Variants in COL28A1 observed in about 807,000 individuals in gnomAD.
COL28A1 encodes collagen alpha-1(XXVIII) chain.
A neutral mutation model predicts 150.2 loss-of-function variants in COL28A1; 161 were observed. The ratio of observed to expected loss-of-function variants is 1.07; its 90% CI spans 0.94 to 1.22. The LOEUF (loss-of-function observed/expected upper bound fraction) is 1.22, where lower values mean the gene tolerates loss of function less well. Ranked by LOEUF, COL28A1 falls within the 50% of genes most tolerant of loss-of-function variation. The pLI is 0.00. For synonymous variants in COL28A1, 552 were observed against 469.7 expected (o/e 1.18, Z -2.26); for missense variants, 1,617 against 1,388.3 (o/e 1.16, Z -2.62).
intron 1 of COL28A1, 134 bp from the exon 2 acceptor site, chr7:7,533,046 A>G: frequency 1.0e-6 from 1 of 1,002,800 alleles, no homozygotes; most frequent in Non-Finnish European, 1.3e-6. Context: ...CTAGAAAAAT[A>G]TTCACATTGA....
At chr7:7,411,546 C>T (rs994436367) in intron 27 of COL28A1, among the ~76,000 whole-genome samples, 1 of 152,074 alleles carries the variant, frequency 6.6e-6, no homozygotes, top group African/African-American at 2.4e-5. Flanking sequence ...AGCTTTGTCC[C>T]CCTCCCCTGA....
At chr7:7,486,083 G>A (rs572530769) in intron 13 of COL28A1, among the ~76,000 whole-genome samples, 1 of 152,190 alleles carries the variant, frequency 6.6e-6, no homozygotes, top group South Asian at 2.1e-4. Flanking sequence ...CTTCTAATCT[G>A]TAAACATGCC....
intron 13 of COL28A1, among the ~76,000 whole-genome samples, chr7:7,485,378 T>C (rs76168794): frequency 0.021 from 3,195 of 152,232 alleles, 81 homozygotes; most frequent in African/African-American, 0.065. Context: ...TTTGTAAATG[T>C]GTAGTTTGTG....
Position 7,513,812 on chromosome 7 carries a change from C to T in COL28A1, c.882+2002G>A, listed in dbSNP as rs1275978181. On this transcript the variant is annotated intron_variant, in intron 8 of 34. Coordinates refer to ENST00000399429, the MANE Select transcript of COL28A1 (RefSeq NM_001037763.3). ...TTGTTTTTTGGGGGGCACAGATTGC[C>T]ATCAATGAAAATATTGTATTCATGT... 2.0e-5 allele frequency among the ~76,000 whole-genome samples: 3 copies of T among 152,312 alleles called. No individual in the cohort carries two copies. In the East Asian group the frequency reaches 5.8e-4, roughly 29 times the overall value.
chr7:7,388,357 G>A (rs1237242211), intron 27 of COL28A1, among the ~76,000 whole-genome samples: 8 of 151,886 alleles, frequency 5.3e-5, no homozygotes. Flanking sequence ...CTTTTTTATG[G>A]CTGCATAGTA....
At chr7:7,526,109 T>C (rs1469774249) in intron 3 of COL28A1, among the ~76,000 whole-genome samples, 1 of 152,242 alleles carries the variant, frequency 6.6e-6, no homozygotes, top group African/African-American at 2.4e-5. Flanking sequence ...GTAGAACATT[T>C]GGTTATGCCT....
chr7:7,377,578 T>C (rs1702484063), intron 30 of COL28A1, among the ~76,000 whole-genome samples: 1 of 152,096 alleles, frequency 6.6e-6, no homozygotes, highest in African/African-American at 2.4e-5. Context: ...TGCATTACAG[T>C]ACTCGAGTAA....
intron 33 of COL28A1, among the ~76,000 whole-genome samples, chr7:7,367,471 G>A (rs1335874552): frequency 6.6e-6 from 1 of 152,120 alleles, no homozygotes; most frequent in African/African-American, 2.4e-5. Flanking sequence ...GAGACAAGAG[G>A]CACTATCCGA....
chr7:7,380,485 G>C, intron 30 of COL28A1, among the ~76,000 whole-genome samples, 175 bp downstream of exon 30: 1 of 152,090 alleles, frequency 6.6e-6, no homozygotes, highest in Non-Finnish European at 1.5e-5. Context: ...TCCCCTCATA[G>C]TCAGATTCAA....
intron 27 of COL28A1, among the ~76,000 whole-genome samples, chr7:7,395,191 G>A (rs1782767811): frequency 6.6e-6 from 1 of 152,132 alleles, no homozygotes; most frequent in East Asian, 1.9e-4. Context: ...TACTTGGGAG[G>A]CTGAGGCAGG....
At chr7:7,526,439 G>A (rs962515832) in intron 3 of COL28A1, among the ~76,000 whole-genome samples, 1 of 152,140 alleles carries the variant, frequency 6.6e-6, no homozygotes, top group Non-Finnish European at 1.5e-5. Context: ...ATTAAAATAC[G>A]TAAGATATTT....
Position 7,432,753 on chromosome 7 carries a change from G to A in COL28A1, c.1861-53C>T, listed in dbSNP as rs754792415. 352 of 1,422,162 alleles carry A rather than the reference G, an allele frequency of 2.5e-4. 1 individual carries two copies. The highest frequency in any genetic ancestry group is 4.7e-4 in the Middle Eastern group (2 of 4,258). 88.1% of individuals were successfully genotyped at this position (1,422,162 alleles called of 1,614,324 possible). A position where few individuals can be genotyped will look rare whatever the true frequency, so the allele number is the denominator to read the frequency against. On this transcript the variant is annotated intron_variant, in intron 23 of 34. Transcript: ENST00000399429. ...CATGAGACTCAACTAGAAAACACCT[G>A]GTCAAACTTAAGCATAACACCAACT...
At chr7:7,457,719 G>A (rs1041816327) in intron 15 of COL28A1, among the ~76,000 whole-genome samples, 1 of 152,196 alleles carries the variant, frequency 6.6e-6, no homozygotes, top group South Asian at 2.1e-4. Context: ...CAGCAGTGGA[G>A]ACTGAGAAGG....
intron 27 of COL28A1, among the ~76,000 whole-genome samples, chr7:7,402,014 G>C (rs1360456253): frequency 6.6e-6 from 1 of 152,146 alleles, no homozygotes; most frequent in Non-Finnish European, 1.5e-5. Context: ...GAGTACAGAA[G>C]GACAAATAAC....
At chr7:7,504,092 C>T (rs1780678306) in intron 11 of COL28A1, among the ~76,000 whole-genome samples, 1 of 152,132 alleles carries the variant, frequency 6.6e-6, no homozygotes. Flanking sequence ...AAATTATAAC[C>T]AACCCCCCCA....
At chr7:7,505,684 T>C (rs1780771085) in intron 11 of COL28A1, among the ~76,000 whole-genome samples, 1 of 152,210 alleles carries the variant, frequency 6.6e-6, no homozygotes, top group African/African-American at 2.4e-5. Context: ...GTGGTTTGAA[T>C]TGTGTCACTT....
chr7:7,341,005 C>G, the COL28A1 span, among the ~76,000 whole-genome samples: 1 of 152,196 alleles, frequency 6.6e-6, no homozygotes, highest in African/African-American at 2.4e-5. Flanking sequence ...CTACCACATT[C>G]TGTACTTACC....
chr7:7,383,629 A>G (rs1331206365), intron 27 of COL28A1, among the ~76,000 whole-genome samples: 1 of 145,336 alleles, frequency 6.9e-6, no homozygotes, highest in Non-Finnish European at 1.5e-5. Context: ...TATGCATCCA[A>G]TTTTTTAAAA....
At chr7:7,375,066 AAC>A (rs1303193487) in intron 31 of COL28A1, among the ~76,000 whole-genome samples, 15 of 152,204 alleles carry the variant, frequency 9.9e-5, no homozygotes, top group Admixed American at 9.2e-4. Flanking sequence ...CTTCGGGAAA[AAC>A]ACAGACATTC....
Sources: gnomAD v4.1 joint callset for allele counts (sites outside exome capture counted in the v4.1 genomes callset) on GRCh38, gnomAD v4.1.1 for gene constraint, MANE v1.5 for transcripts, NCBI Gene and HGNC (gene_info 2026-07-23, HGNC 2026-07-21) for gene names.